Variants in PCDH11Y observed in about 807,000 individuals in gnomAD.
The protein encoded by PCDH11Y is protocadherin 11 Y-linked.
For synonymous variants in PCDH11Y, 9 were observed against 83.6 expected, an observed-to-expected ratio of 0.11 and a Z score of 4.87; for missense variants, 12 against 224.8, an observed-to-expected ratio of 0.05 and a Z score of 6.05.
intron 2 of PCDH11Y, among the ~76,000 whole-genome samples, chrY:5,386,437 C>A: frequency 3.1e-5 from 1 of 32,566 alleles, no homozygotes; most frequent in African/African-American, 1.2e-4. Context: ...CAATTAGTCC[C>A]CCAAATATGT....
chrY:5,034,215 C>T, intron 3 of PCDH11Y, among the ~76,000 whole-genome samples: 1 of 32,953 alleles, frequency 3.0e-5, no homozygotes, highest in Non-Finnish European at 7.5e-5. Context: ...TCCATATCCT[C>T]TGCCCCTACC....
chrY:5,299,214 A>G (rs2053078973), intron 2 of PCDH11Y, among the ~76,000 whole-genome samples: 10 of 33,222 alleles, frequency 3.0e-4, no homozygotes, highest in Non-Finnish European at 6.7e-4. Flanking sequence ...AGGAAAATAT[A>G]GATATTTGTG....
At chrY:5,348,847 A>G in intron 2 of PCDH11Y, among the ~76,000 whole-genome samples, 1 of 32,885 alleles carries the variant, frequency 3.0e-5, no homozygotes, top group Admixed American at 2.9e-4. Context: ...GGCCTAGTAC[A>G]AGCCAGGTGT....
chrY:5,472,791 G>T (rs2053315278), intron 2 of PCDH11Y, among the ~76,000 whole-genome samples: 2 of 30,827 alleles, frequency 6.5e-5, no homozygotes, highest in South Asian at 1.4e-3. Flanking sequence ...TTCTCTATTT[G>T]GTCTTCCTAT....
At chrY:5,387,104 C>T in intron 2 of PCDH11Y, among the ~76,000 whole-genome samples, 1 of 30,748 alleles carries the variant, frequency 3.3e-5, no homozygotes, top group South Asian at 7.7e-4. Context: ...CGGCTTACTG[C>T]AACCTCTGCC....
At chrY:5,503,160 T>TA (rs2053355408) in intron 3 of PCDH11Y, among the ~76,000 whole-genome samples, 15 of 32,504 alleles carry the variant, frequency 4.6e-4, no homozygotes, top group Non-Finnish European at 9.9e-4. Flanking sequence ...GGGCTTTTTT[T>TA]AAAAAAGGGT....
intron 2 of PCDH11Y, among the ~76,000 whole-genome samples, chrY:5,228,433 C>T: frequency 3.1e-5 from 1 of 32,262 alleles, no homozygotes; most frequent in Non-Finnish European, 7.6e-5. Flanking sequence ...TATTTGTGCT[C>T]TGGTATTTAT....
intron 2 of PCDH11Y, among the ~76,000 whole-genome samples, chrY:5,209,146 C>G: frequency 3.1e-5 from 1 of 32,144 alleles, no homozygotes; most frequent in African/African-American, 1.2e-4. Context: ...TTTGAGTTTA[C>G]CACTGCTAAG....
chrY:5,357,158 CA>C (rs2053168166), intron 2 of PCDH11Y, among the ~76,000 whole-genome samples: 2 of 26,324 alleles, frequency 7.6e-5, no homozygotes, highest in Non-Finnish European at 1.7e-4. Flanking sequence ...CACTGCACTC[CA>C]GCCTGGGCGA....
intron 2 of PCDH11Y, among the ~76,000 whole-genome samples, chrY:5,222,610 C>T: frequency 3.2e-5 from 1 of 31,417 alleles, no homozygotes; most frequent in East Asian, 8.3e-4. Flanking sequence ...GATTCTTCTG[C>T]CTCAGCCTCC....
rs2124626987 is a variant in PCDH11Y, at chrY:5,051,074, A to G, written c.33-5815A>G. Among the ~76,000 whole-genome samples, 9 of 32,652 alleles carry G rather than the reference A, an allele frequency of 2.8e-4. No individual in the cohort carries two copies. The South Asian group carries it at 5.5e-3, about 20-fold the overall frequency. The allele number at this position is 32,652 out of a possible 37,273, so 87.6% of individuals were successfully genotyped here. On this transcript the variant is annotated intron_variant, in intron 3 of 5. Coordinates refer to the PCDH11Y transcript ENST00000333703. ...TGTTTCTTTCTCTTTTCTTTTGCAA[A>G]CACTTTTCCTTTACACGAGGGACCT...
intron 4 of PCDH11Y, among the ~76,000 whole-genome samples, chrY:5,617,249 A>G (rs2053494571): frequency 3.0e-5 from 1 of 33,362 alleles, no homozygotes; most frequent in East Asian, 7.9e-4. Flanking sequence ...TTTTGCAATT[A>G]TTTATTTATT....
At chrY:5,349,320 C>A in intron 2 of PCDH11Y, among the ~76,000 whole-genome samples, 1 of 32,992 alleles carries the variant, frequency 3.0e-5, no homozygotes, top group African/African-American at 1.2e-4. Flanking sequence ...CATATTTTTT[C>A]ATGTTGTAAA....
chrY:5,473,408 G>A, intron 2 of PCDH11Y, among the ~76,000 whole-genome samples: 1 of 32,147 alleles, frequency 3.1e-5, no homozygotes, highest in Non-Finnish European at 7.7e-5. Flanking sequence ...GGCTATTCTT[G>A]TTACCGTGTA....
intron 4 of PCDH11Y, among the ~76,000 whole-genome samples, chrY:5,674,917 A>G: frequency 3.0e-5 from 1 of 33,487 alleles, no homozygotes; most frequent in African/African-American, 1.2e-4. Context: ...CATCCCTTCT[A>G]TTCAATTTTA....
intron 2 of PCDH11Y, among the ~76,000 whole-genome samples, chrY:5,358,386 G>C: frequency 3.0e-5 from 1 of 33,821 alleles, no homozygotes; most frequent in Non-Finnish European, 7.3e-5. Flanking sequence ...ATCTGAGACA[G>C]GTCTCAATCA....
intron 3 of PCDH11Y, among the ~76,000 whole-genome samples, chrY:5,562,112 G>A (rs2053429190): frequency 2.3e-3 from 79 of 33,748 alleles, no homozygotes; most frequent in African/African-American, 7.8e-3. Context: ...TTACTTTAGC[G>A]TTCCTCAGAT....
chrY:5,191,088 A>G, intron 2 of PCDH11Y, among the ~76,000 whole-genome samples: 2 of 30,798 alleles, frequency 6.5e-5, no homozygotes, highest in Non-Finnish European at 1.6e-4. Flanking sequence ...GTTCTCACTC[A>G]TAAGTGGGAG....
chrY:5,504,442 C>T, intron 3 of PCDH11Y, among the ~76,000 whole-genome samples: 2 of 25,137 alleles, frequency 8.0e-5, no homozygotes, highest in Admixed American at 7.9e-4. Flanking sequence ...GTTCTGTCTT[C>T]CTTGGATGAC....
Sources: allele counts gnomAD v4.1 joint callset (sites outside exome capture counted in the v4.1 genomes callset), GRCh38; gene constraint gnomAD v4.1.1; transcripts MANE v1.5; gene names NCBI Gene and HGNC (gene_info 2026-07-23, HGNC 2026-07-21).